The following AUH variants were observed in gnomAD, a reference collection of about 807,000 sequenced individuals.
AUH encodes methylglutaconyl-CoA hydratase, mitochondrial.
AUH carries 29 observed loss-of-function variants against 42.3 expected under a neutral mutation model. The observed-to-expected ratio is 0.69, with a 90% confidence interval of 0.51 to 0.93. The LOEUF is 0.93. Ranked by LOEUF, AUH falls within the 40% of genes least tolerant of loss-of-function variation. The pLI is 0.00. For missense variants in AUH, 452 were observed against 438.1 expected, an observed-to-expected ratio of 1.03 and a Z score of -0.28; for synonymous variants, 174 against 166.4, an observed-to-expected ratio of 1.05 and a Z score of -0.35.
chr9:91,323,926 T>C (rs959193658), intron 4 of AUH, among the ~76,000 whole-genome samples: 3 of 152,148 alleles, frequency 2.0e-5, no homozygotes, highest in Non-Finnish European at 4.4e-5. Context: ...TACAGAAATT[T>C]TTCCTCTTTG....
At chr9:91,297,946 CT>C in intron 5 of AUH, 37 bp downstream of exon 5, 1 of 1,482,374 alleles carries the variant, frequency 6.7e-7, no homozygotes, top group Non-Finnish European at 9.4e-7. Flanking sequence ...ACAACCTTCA[CT>C]TTTTTAAATT....
chr9:91,347,736 C>A (rs889324552), intron 3 of AUH, among the ~76,000 whole-genome samples: 3 of 151,706 alleles, frequency 2.0e-5, no homozygotes, highest in East Asian at 1.9e-4. Context: ...ATAAAAACTA[C>A]AAAAGTATTA....
chr9:91,323,406 C>T (rs1220025732), intron 4 of AUH, among the ~76,000 whole-genome samples: 1 of 152,062 alleles, frequency 6.6e-6, no homozygotes, highest in Non-Finnish European at 1.5e-5. Flanking sequence ...AGGTGGATCA[C>T]GAGGTCAAGA....
intron 4 of AUH, among the ~76,000 whole-genome samples, chr9:91,312,054 G>T (rs188461336): frequency 6.6e-6 from 1 of 150,962 alleles, no homozygotes. Flanking sequence ...TTTTATTCTA[G>T]GATTTTACTG....
intron 3 of AUH, among the ~76,000 whole-genome samples, chr9:91,352,140 G>T (rs1270329041): frequency 6.6e-6 from 1 of 152,074 alleles, no homozygotes; most frequent in Admixed American, 6.5e-5. Flanking sequence ...GCTGGGCATG[G>T]TGGCACACAC....
chr9:91,239,372 A>C (rs1828371791), intron 6 of AUH, among the ~76,000 whole-genome samples: 1 of 152,184 alleles, frequency 6.6e-6, no homozygotes, highest in Non-Finnish European at 1.5e-5. Flanking sequence ...TAAATAGAAA[A>C]GCCCCACTTC....
chr9:91,326,677 T>C (rs1311111556), intron 3 of AUH, among the ~76,000 whole-genome samples: 2 of 152,184 alleles, frequency 1.3e-5, no homozygotes, highest in African/African-American at 4.8e-5. Context: ...TTGGTGGTTA[T>C]GGGGGCTGGA....
At chr9:91,262,151 T>C (rs978374057) in intron 6 of AUH, among the ~76,000 whole-genome samples, 1 of 152,222 alleles carries the variant, frequency 6.6e-6, no homozygotes, top group African/African-American at 2.4e-5. Context: ...TCTTTAAATA[T>C]TATTTTTGCA....
At chr9:91,235,314 G>A (rs1431438292) in intron 6 of AUH, among the ~76,000 whole-genome samples, 1 of 152,126 alleles carries the variant, frequency 6.6e-6, no homozygotes, top group East Asian at 1.9e-4. Flanking sequence ...GAGAGATGTG[G>A]AGGACTTGGA....
At chr9:91,327,037 T>C (rs1044946213) in intron 3 of AUH, among the ~76,000 whole-genome samples, 2 of 152,128 alleles carry the variant, frequency 1.3e-5, no homozygotes, top group Admixed American at 6.5e-5. Flanking sequence ...TCATTCACTC[T>C]CCTACTCACA....
At chr9:91,250,937 G>A (rs1829091902) in intron 6 of AUH, among the ~76,000 whole-genome samples, 1 of 152,166 alleles carries the variant, frequency 6.6e-6, no homozygotes, top group Non-Finnish European at 1.5e-5. Context: ...GTGTTGTAAA[G>A]GCAAGTAAGT....
At chr9:91,334,309 T>C (rs1027631809) in intron 3 of AUH, among the ~76,000 whole-genome samples, 1 of 152,206 alleles carries the variant, frequency 6.6e-6, no homozygotes, top group Non-Finnish European at 1.5e-5. Flanking sequence ...TCTGGATGAC[T>C]AGCATTTGAA....
intron 6 of AUH, among the ~76,000 whole-genome samples, chr9:91,262,434 A>G (rs949062210): frequency 1.3e-5 from 2 of 152,186 alleles, no homozygotes. Context: ...CCCCTCCAAC[A>G]CAGCTAATCA....
At chr9:91,310,689 G>T (rs545871815) in intron 4 of AUH, among the ~76,000 whole-genome samples, 51 of 152,320 alleles carry the variant, frequency 3.3e-4, no homozygotes, top group Non-Finnish European at 5.9e-4. Flanking sequence ...AAACTGAGCA[G>T]ATCTTGTGAC....
At chr9:91,274,856 G>C (rs1825421375) in intron 6 of AUH, among the ~76,000 whole-genome samples, 1 of 152,164 alleles carries the variant, frequency 6.6e-6, no homozygotes, top group Admixed American at 6.5e-5. Context: ...AAGGCTATAT[G>C]ACCAATCCTA....
chr9:91,356,190 G>A, intron 1 of AUH, 35 bp from the exon 2 acceptor site: 1 of 1,558,920 alleles, frequency 6.4e-7, no homozygotes, highest in Non-Finnish European at 8.8e-7. Context: ...AAGCACTTGA[G>A]TGAGCAAGGC....
chr9:91,332,970 G>A (rs538242110), intron 3 of AUH, among the ~76,000 whole-genome samples: 46 of 152,266 alleles, frequency 3.0e-4, no homozygotes, highest in African/African-American at 1.0e-3. Flanking sequence ...AGGAAAGAAC[G>A]CTGGTAAGCA....
intron 5 of AUH, among the ~76,000 whole-genome samples, chr9:91,297,612 A>G (rs1375601298): frequency 6.7e-6 from 1 of 150,012 alleles, no homozygotes; most frequent in South Asian, 2.1e-4. Context: ...TTTTTTTTTT[A>G]AACAGGGTCT....
At chr9:91,231,057 T>C (rs1283647386) in intron 6 of AUH, among the ~76,000 whole-genome samples, 1 of 152,252 alleles carries the variant, frequency 6.6e-6, no homozygotes, top group African/African-American at 2.4e-5. Flanking sequence ...GCAGGCCTCC[T>C]TGAGCTGTGG....
Sources: gnomAD v4.1 joint callset for allele counts (sites outside exome capture counted in the v4.1 genomes callset) on GRCh38, gnomAD v4.1.1 for gene constraint, MANE v1.5 for transcripts, NCBI Gene and HGNC (gene_info 2026-07-23, HGNC 2026-07-21) for gene names.